The following RIC3 variants were observed in gnomAD, a reference collection of about 807,000 sequenced individuals.
The protein encoded by RIC3 is RIC3 acetylcholine receptor chaperone, also known as protein RIC-3.
In RIC3, 28 loss-of-function variants were observed where a neutral mutation model predicts 27.3. That is an observed-to-expected ratio of 1.02 (90% confidence interval 0.76 to 1.41). RIC3 has a LOEUF of 1.41. RIC3 is among the 40% of genes most tolerant of loss of function. The probability of loss-of-function intolerance (pLI) is 0.00; values close to 1 mark genes in which losing one functional copy is unlikely to be tolerated. For missense variants in RIC3, 501 were observed against 444.7 expected (o/e 1.13, Z -1.14); for synonymous variants, 184 against 160.4 (o/e 1.15, Z -1.11).
rs1057427851 is a variant in RIC3 at position 8,107,069 on chromosome 11, C to T, written c.*3629G>A. ...GTTCTCTGAGAGGTTAAGGAATGAC[C>T]TAAGAGGAGAAATTTGGGCTATTTT... On this transcript the variant is annotated 3_prime_UTR_variant, in exon 6 of 6. Transcript: ENST00000309737. 2.0e-5 allele frequency: 3 copies of T among 151,966 alleles called. No individual in the cohort carries two copies. The highest frequency in any genetic ancestry group is 4.8e-5 in the African/African-American group (2 of 41,366). 9.4% of individuals were successfully genotyped at this position (151,966 alleles called of 1,614,324 possible). A position where few individuals can be genotyped will look rare whatever the true frequency, so the allele number is the denominator to read the frequency against.
chr11:8,118,867 T>A (rs1325057094), intron 5 of RIC3, among the ~76,000 whole-genome samples: 4 of 114,104 alleles, frequency 3.5e-5, no homozygotes, highest in Non-Finnish European at 6.6e-5. Flanking sequence ...TGAGACTCCA[T>A]CTCAAAAAAA....
intron 4 of RIC3, among the ~76,000 whole-genome samples, chr11:8,135,360 G>A (rs573341607): frequency 1.7e-4 from 26 of 152,330 alleles, no homozygotes; most frequent in African/African-American, 4.1e-4. Flanking sequence ...TTTGGTACCA[G>A]TACCATGCTG....
chr11:8,138,226 GT>G (rs1458647929), intron 3 of RIC3, 45 bp downstream of exon 3: 1 of 1,364,244 alleles, frequency 7.3e-7, no homozygotes, highest in Admixed American at 1.7e-5. Context: ...CTATAAAACT[GT>G]TTGACTCAAT....
the RIC3 span, chr11:8,096,925 T>C: frequency 0.66 from 787,612 of 1,194,932 alleles, 264,066 homozygotes; most frequent in East Asian, 0.85. Flanking sequence ...TGGCCTCTTA[T>C]GTCCCTCTAC....
rs1483178282 is a variant in RIC3, at chr11:8,109,807, T to G, written c.*891A>C. ...ATGGCAGGAGCAGAATTCACAATCTTGAGCCCTCTTATAGGGTTGCAGCCT... is the reference window on the plus strand; with the variant it reads ...ATGGCAGGAGCAGAATTCACAATCTGGAGCCCTCTTATAGGGTTGCAGCCT... On this transcript the variant is annotated 3_prime_UTR_variant, in exon 6 of 6. Transcript: ENST00000309737. 3 of 152,182 alleles carry G rather than the reference T, an allele frequency of 2.0e-5. No homozygotes were observed. The highest frequency in any genetic ancestry group is 6.5e-5 in the Admixed American group (1 of 15,270). 9.4% of individuals were successfully genotyped at this position (152,182 alleles called of 1,614,324 possible).
intron 5 of RIC3, among the ~76,000 whole-genome samples, chr11:8,117,068 T>G (rs1945929300): frequency 6.6e-6 from 1 of 151,772 alleles, no homozygotes; most frequent in Admixed American, 6.6e-5. Flanking sequence ...GAATAGTACT[T>G]AGCATTTTTT....
chr11:8,123,992 G>C (rs931348793), intron 5 of RIC3, among the ~76,000 whole-genome samples: 3 of 150,724 alleles, frequency 2.0e-5, no homozygotes, highest in Non-Finnish European at 4.4e-5. Flanking sequence ...GGTTGCTTGA[G>C]CCCAGGAGAT....
downstream of RIC3, chr11:8,104,261 T>A (rs1202703731): frequency 6.6e-6 from 1 of 152,122 alleles, no homozygotes; most frequent in Admixed American, 6.5e-5. Context: ...CAGTTGGGAG[T>A]GAGTTTAGGC....
chr11:8,095,772 A>C, the RIC3 span: 14 of 1,242,700 alleles, frequency 1.1e-5, no homozygotes, highest in Non-Finnish European at 1.6e-5. Context: ...CCTCCCTGGC[A>C]ATGGTGGGTG....
At chr11:8,136,607 G>A (rs758440499) in intron 4 of RIC3, among the ~76,000 whole-genome samples, 14 of 152,236 alleles carry the variant, frequency 9.2e-5, no homozygotes, top group Admixed American at 5.2e-4. Context: ...CATTCTAAAC[G>A]GCCAGTTTGG....
At chr11:8,104,572 T>A (rs1327105410), downstream of RIC3, 1 of 152,180 alleles carries the variant, frequency 6.6e-6, no homozygotes, top group Non-Finnish European at 1.5e-5. Flanking sequence ...GTGGATTTTG[T>A]CCATTCATCT....
chr11:8,147,776 G>A (rs1401644797), intron 1 of RIC3, among the ~76,000 whole-genome samples: 4 of 146,904 alleles, frequency 2.7e-5, no homozygotes, highest in African/African-American at 1.0e-4. Flanking sequence ...TCACCAGGCT[G>A]GAGTGCAGTG....
At chr11:8,097,275 C>T in the RIC3 span, 26 of 1,614,182 alleles carry the variant, frequency 1.6e-5, no homozygotes, top group East Asian at 2.2e-5. Context: ...AACCAGTGGA[C>T]GTTGAGGTCC....
At chr11:8,122,500 T>A (rs1013430577) in intron 5 of RIC3, among the ~76,000 whole-genome samples, 1 of 151,536 alleles carries the variant, frequency 6.6e-6, no homozygotes, top group Non-Finnish European at 1.5e-5. Context: ...AAAAGACATA[T>A]GGGTTGTTTC....
At chr11:8,159,234 A>G (rs1175140019) in intron 1 of RIC3, among the ~76,000 whole-genome samples, 1 of 152,194 alleles carries the variant, frequency 6.6e-6, no homozygotes, top group African/African-American at 2.4e-5. Flanking sequence ...CCAAAAGAAG[A>G]GCATTTCAAA....
At chr11:8,112,585 G>A (rs770730474) in intron 5 of RIC3, among the ~76,000 whole-genome samples, 62 of 152,176 alleles carry the variant, frequency 4.1e-4, no homozygotes, top group Non-Finnish European at 6.9e-4. Context: ...ATGAGCCACC[G>A]CGCCCGGCCA....
At chr11:8,119,576 T>C (rs993681255) in intron 5 of RIC3, among the ~76,000 whole-genome samples, 1 of 152,096 alleles carries the variant, frequency 6.6e-6, no homozygotes, top group Non-Finnish European at 1.5e-5. Flanking sequence ...ATGTTAGACC[T>C]AAAACCATAA....
At chr11:8,094,168 G>A in the RIC3 span, 1 of 1,613,526 alleles carries the variant, frequency 6.2e-7, no homozygotes, top group South Asian at 1.1e-5. Flanking sequence ...CGCTAGGAAG[G>A]AGAAGAAGGG....
downstream of RIC3, chr11:8,101,680 G>A: frequency 1.9e-6 from 3 of 1,591,006 alleles, no homozygotes; most frequent in Non-Finnish European, 2.6e-6. Flanking sequence ...GCCTGCCTGT[G>A]GAGACAGCCC....
Sources: allele counts gnomAD v4.1 joint callset (sites outside exome capture counted in the v4.1 genomes callset), GRCh38; gene constraint gnomAD v4.1.1; transcripts MANE v1.5; gene names NCBI Gene and HGNC (gene_info 2026-07-23, HGNC 2026-07-21).